ZRANB3: variants seen among roughly 807,000 people sequenced by gnomAD.
ZRANB3 encodes the protein DNA annealing helicase and endonuclease ZRANB3.
A neutral mutation model predicts 133.8 loss-of-function variants in ZRANB3; 125 were observed. The ratio of observed to expected loss-of-function variants is 0.93; its 90% confidence interval spans 0.81 to 1.08. ZRANB3 has a LOEUF of 1.08. ZRANB3 is among the 50% of genes least tolerant of loss of function. The pLI, the probability that ZRANB3 is intolerant of heterozygous loss-of-function variation, is 0.00. For synonymous variants in ZRANB3, 387 were observed against 432.7 expected (o/e 0.89, Z 1.31); for missense variants, 1,229 against 1,275.5 (o/e 0.96, Z 0.56).
chr2:135,495,364 T>A (rs570318004), intron 2 of ZRANB3, among the ~76,000 whole-genome samples: 14 of 152,344 alleles, frequency 9.2e-5, no homozygotes, highest in Admixed American at 7.8e-4. Flanking sequence ...ATTATTCTTA[T>A]TTTTAAAGCA....
intron 2 of ZRANB3, among the ~76,000 whole-genome samples, chr2:135,415,659 G>C (rs868724969): frequency 2.0e-5 from 3 of 152,136 alleles, no homozygotes; most frequent in South Asian, 4.1e-4. Flanking sequence ...AGCCAAAAAA[G>C]AGAATTTTAG....
At chr2:135,248,774 C>T (rs1404615686) in intron 12 of ZRANB3, among the ~76,000 whole-genome samples, 1 of 151,986 alleles carries the variant, frequency 6.6e-6, no homozygotes, top group African/African-American at 2.4e-5. Context: ...AGCATGGTGG[C>T]GTGCACCTGT....
intron 6 of ZRANB3, among the ~76,000 whole-genome samples, chr2:135,318,212 T>TTGTGTGTGTGTGTG (rs58455313): frequency 1.2e-4 from 17 of 136,970 alleles, no homozygotes; most frequent in Middle Eastern, 3.6e-3. Context: ...ACACACTATT[T>TTGTGTGTGTGTGTG]TGTGTGTGTG....
intron 3 of ZRANB3, among the ~76,000 whole-genome samples, chr2:135,390,004 C>T (rs1368821074): frequency 1.3e-5 from 2 of 150,276 alleles, no homozygotes; most frequent in Non-Finnish European, 2.9e-5. Flanking sequence ...CCTCAGCCTC[C>T]TGAGTAGCTG....
In ZRANB3 at chr2:135,341,169, G is replaced by A. The variant is rs185753444; in HGVS notation, c.677+4381C>T. ...AGAGTAGCTGGGACTACAGGTGCCC[G>A]CCACCACACCTGGCTAATTTTTTTT... On this transcript the variant is annotated intron_variant, in intron 6 of 20. Transcript: ENST00000264159. 3.9e-4 allele frequency among the ~76,000 whole-genome samples: 59 copies of A among 149,436 alleles called. 1 individual carries two copies. The highest frequency in any genetic ancestry group is 2.7e-3 in the South Asian group (13 of 4,794).
chr2:135,418,402 C>T lies in ZRANB3; in HGVS notation c.162-27582G>A, dbSNP rs372656295. On this transcript the variant is annotated intron_variant, in intron 2 of 20. Transcript: ENST00000264159. Reference sequence around the variant, plus strand: ...TGTAGTTTTTATTTTAAACAAACTTCTGGCCCAAGAATAAGAATCACAGAC... The same window carrying T: ...TGTAGTTTTTATTTTAAACAAACTTTTGGCCCAAGAATAAGAATCACAGAC... Among the ~76,000 whole-genome samples the T allele has an allele frequency of 8.5e-5, 13 of 152,240 alleles. No individual in the cohort carries two copies. The South Asian group carries it at 2.7e-3, about 32-fold the overall frequency.
intron 2 of ZRANB3, among the ~76,000 whole-genome samples, chr2:135,441,417 T>G (rs2104993278): frequency 6.6e-6 from 1 of 152,090 alleles, no homozygotes; most frequent in East Asian, 1.9e-4. Context: ...AAAGACATTC[T>G]CAGAAAAACA....
At position 135,492,542 on chromosome 2, in the gene ZRANB3, T is replaced by C. The variant is rs187047078; in HGVS notation, c.161+11787A>G. On this transcript the variant is annotated intron_variant, in intron 2 of 20. Coordinates refer to ENST00000264159, the MANE Select transcript of ZRANB3 (RefSeq NM_032143.4). ...CCCAGTACTATGGTGTTTTAGATAT[T>C]CTAAAAATCCCTCCTTTTGCAAACA... Among the ~76,000 whole-genome samples, 700 of 152,304 alleles carry C rather than the reference T, an allele frequency of 4.6e-3. 3 individuals are homozygous for C. The highest frequency in any genetic ancestry group is 7.3e-3 in the Non-Finnish European group (495 of 68,004).
intron 2 of ZRANB3, among the ~76,000 whole-genome samples, chr2:135,421,813 T>G (rs1031319838): frequency 6.6e-6 from 1 of 152,080 alleles, no homozygotes; most frequent in Non-Finnish European, 1.5e-5. Context: ...GTCAACCCAT[T>G]TACTCTGTGG....
intron 6 of ZRANB3, among the ~76,000 whole-genome samples, chr2:135,342,035 T>G (rs1376872941): frequency 6.7e-6 from 1 of 150,036 alleles, no homozygotes; most frequent in Non-Finnish European, 1.5e-5. Context: ...GCATGTGATC[T>G]CTGTGACCCA....
intron 2 of ZRANB3, among the ~76,000 whole-genome samples, chr2:135,402,191 C>T (rs1015966796): frequency 4.6e-5 from 7 of 151,810 alleles, no homozygotes; most frequent in African/African-American, 1.5e-4. Context: ...TAATCACATA[C>T]GAGGACTGCT....
At position 135,508,015 on chromosome 2, in the gene ZRANB3, C is replaced by T. The variant is rs558544811; in HGVS notation, c.-7-3519G>A. Among the ~76,000 whole-genome samples, 6 of 152,238 alleles carry T rather than the reference C, an allele frequency of 3.9e-5. No homozygotes were observed. The East Asian group carries it at 1.2e-3, about 29-fold the overall frequency. On this transcript the variant is annotated intron_variant, in intron 1 of 20. Transcript: ENST00000264159. ...ATAACAAAACAAAACGACTCCTTTA[C>T]ATTTTACTTAGTAAAAAATTTTAAT...
intron 8 of ZRANB3, among the ~76,000 whole-genome samples, chr2:135,309,742 G>C (rs1303444995): frequency 6.6e-6 from 1 of 152,034 alleles, no homozygotes. Context: ...TCTTTTCAGG[G>C]ACCAGAAGAC....
intron 3 of ZRANB3, among the ~76,000 whole-genome samples, chr2:135,389,374 T>G (rs1015364853): frequency 6.6e-6 from 1 of 152,164 alleles, no homozygotes; most frequent in Non-Finnish European, 1.5e-5. Flanking sequence ...TGTTATTCCT[T>G]AAATAAATCC....
chr2:135,342,837 A>G lies in ZRANB3; in HGVS notation c.677+2713T>C, dbSNP rs151102238. On this transcript the variant is annotated intron_variant, in intron 6 of 20. Transcript: ENST00000264159. Reference sequence around the variant, plus strand: ...TATATATGTAAAGACACACATATACATATATACCCTAAATTTATTAAAAAC... The same window carrying G: ...TATATATGTAAAGACACACATATACGTATATACCCTAAATTTATTAAAAAC... Among the ~76,000 whole-genome samples, 1,196 of 148,684 alleles carry G rather than the reference A, an allele frequency of 8.0e-3. 135 individuals carry two copies. The highest frequency in any genetic ancestry group is 0.03 in the African/African-American group (1,138 of 38,300).
At chr2:135,312,182 A>ATTTTAT (rs1459551174) in intron 8 of ZRANB3, among the ~76,000 whole-genome samples, 135 of 129,402 alleles carry the variant, frequency 1.0e-3, no homozygotes, top group African/African-American at 2.5e-3. Flanking sequence ...ATTTTATTTT[A>ATTTTAT]TTTTATTTTT....
intron 3 of ZRANB3, among the ~76,000 whole-genome samples, chr2:135,390,103 A>C (rs1687157902): frequency 6.6e-6 from 1 of 150,726 alleles, no homozygotes; most frequent in South Asian, 2.1e-4. Context: ...ATGGTCTCAA[A>C]CTCCTGGCCT....
rs867275197 is a variant in ZRANB3 at position 135,480,835 on chromosome 2, A to C, written c.161+23494T>G. ...TGTGTCCATGTGATCTCATTGTTCA[A>C]TTCCCACCTATGAGTGAGAATATGC... On this transcript the variant is annotated intron_variant, in intron 2 of 20. Transcript: ENST00000264159. Among the ~76,000 whole-genome samples the C allele has an allele frequency of 1.8e-3, 233 of 129,894 alleles. 1 individual carries two copies. In the Middle Eastern group the frequency reaches 0.034, roughly 19 times the overall value. The allele number at this position is 129,894 out of a possible 152,430, so 85.2% of individuals were successfully genotyped here. A position where few individuals can be genotyped will look rare whatever the true frequency, so the allele number is the denominator to read the frequency against.
chr2:135,217,962 G>C (rs541381143), intron 16 of ZRANB3, among the ~76,000 whole-genome samples: 142 of 152,230 alleles, frequency 9.3e-4, no homozygotes, highest in African/African-American at 3.0e-3. Context: ...ACAGGCACAT[G>C]CCACCATACC....
Sources: gnomAD v4.1 joint callset for allele counts (sites outside exome capture counted in the v4.1 genomes callset) on GRCh38, gnomAD v4.1.1 for gene constraint, MANE v1.5 for transcripts, NCBI Gene and HGNC (gene_info 2026-07-23, HGNC 2026-07-21) for gene names.